TMEM222: variants seen among roughly 807,000 people sequenced by gnomAD.
TMEM222 encodes the protein chromosome 1 open reading frame 160.
A neutral mutation model predicts 25.1 loss-of-function variants in TMEM222; 18 were observed. That is an observed-to-expected ratio of 0.72 (90% CI 0.50 to 1.06). The LOEUF (loss-of-function observed/expected upper bound fraction) is 1.06. Ranked by LOEUF, TMEM222 falls within the 50% of genes least tolerant of loss-of-function variation. The pLI is 0.00. For missense variants in TMEM222, 296 were observed against 293.7 expected (o/e 1.01, Z -0.06); for synonymous variants, 131 against 117.9 (o/e 1.11, Z -0.72).
Position 27,322,383 on chromosome 1 carries a change from G to C in TMEM222, c.186G>C (p.Pro62=), listed in dbSNP as rs975839704. The C allele has an allele frequency of 1.0e-5, 15 of 1,446,562 alleles. No homozygotes were observed. Among genetic ancestry groups the C allele is most frequent in the Non-Finnish European group, 1.4e-5 (15 of 1,087,238 alleles). The allele number at this position is 1,446,562 out of a possible 1,614,324, so 89.6% of individuals were successfully genotyped here. Residue 62 remains proline (P), a synonymous_variant, in exon 1 of 6, where the codon CCG becomes CCC. Coordinates refer to ENST00000374076, the MANE Select transcript of TMEM222 (RefSeq NM_032125.3). ...FPYCVVWTPI[P]VLTWFFPIIG... is the part of the protein sequence containing the mutation. ...ACTGCGTGGTGTGGACGCCCATCCCGGTGCTCACGTGAGTCTCTTCCGGCA... is the reference window on the plus strand; with the variant it reads ...ACTGCGTGGTGTGGACGCCCATCCCCGTGCTCACGTGAGTCTCTTCCGGCA...
At chr1:27,325,061 G>A (rs762745672) in intron 1 of TMEM222, among the ~76,000 whole-genome samples, 1 of 152,152 alleles carries the variant, frequency 6.6e-6, no homozygotes, top group African/African-American at 2.4e-5. Flanking sequence ...ATTAGCCATC[G>A]TAGTATTACT....
At chr1:27,333,718 C>CA in intron 3 of TMEM222, 1 of 561,478 alleles carries the variant, frequency 1.8e-6, no homozygotes, top group African/African-American at 1.9e-5. Context: ...CTTGGGGACA[C>CA]AGACTTTCAG....
intron 5 of TMEM222, 90 bp from the exon 6 acceptor site, chr1:27,335,289 C>T (rs1443667927): frequency 3.0e-6 from 4 of 1,316,280 alleles, no homozygotes; most frequent in Non-Finnish European, 4.4e-6. Context: ...GATGGCAGCC[C>T]TATTGGGGTC....
At chr1:27,330,210 A>G (rs2014446941) in intron 1 of TMEM222, among the ~76,000 whole-genome samples, 1 of 151,436 alleles carries the variant, frequency 6.6e-6, no homozygotes, top group South Asian at 2.1e-4. Context: ...CATCCTGGCC[A>G]ACATGGTGAA....
chr1:27,322,750 C>T (rs1403583732), intron 1 of TMEM222, among the ~76,000 whole-genome samples: 1 of 152,216 alleles, frequency 6.6e-6, no homozygotes, highest in African/African-American at 2.4e-5. Context: ...CAAATGCTTA[C>T]TGGTCGCTTA....
intron 1 of TMEM222, among the ~76,000 whole-genome samples, chr1:27,325,985 G>C (rs989227913): frequency 6.6e-6 from 1 of 152,164 alleles, no homozygotes; most frequent in African/African-American, 2.4e-5. Flanking sequence ...TTTTGACCTT[G>C]TATTCAAGTT....
chr1:27,331,767 G>A (rs2014483959), intron 2 of TMEM222, among the ~76,000 whole-genome samples: 1 of 152,258 alleles, frequency 6.6e-6, no homozygotes. Flanking sequence ...GAGAAAATGA[G>A]GCCCAGAGAG....
chr1:27,322,375 C>A lies in TMEM222; in HGVS notation c.178C>A (p.Pro60Thr). Residue 60 changes from proline to threonine, a missense_variant, in exon 1 of 6, where the codon CCC becomes ACC. Transcript: ENST00000374076. ...CTTCCCCTACTGCGTGGTGTGGACG[C>A]CCATCCCGGTGCTCACGTGAGTCTC... is the stretch of plus-strand genomic sequence containing the variant. ...SRFPYCVVWT[P>T]IPVLTWFFPI... The A allele has an allele frequency of 6.8e-7, 1 of 1,461,364 alleles. No homozygotes were observed. Among genetic ancestry groups the A allele is most frequent in the Non-Finnish European group, 9.1e-7 (1 of 1,094,682 alleles). The allele number at this position is 1,461,364 out of a possible 1,614,324, so 90.5% of individuals were successfully genotyped here.
At position 27,322,209 on chromosome 1, in the gene TMEM222, G is replaced by T; in HGVS notation, c.12G>T (p.Ala4=). MAE[A]EGSSLLLLPP... ...GGGGCGCGCGCCGCATGGCGGAAGC[G>T]GAAGGGAGTTCTCTGCTCTTGTTGC... Residue 4 remains alanine, a synonymous_variant, in exon 1 of 6, where the codon GCG becomes GCT. Coordinates refer to ENST00000374076, the MANE Select transcript of TMEM222 (RefSeq NM_032125.3). 1 of 1,407,844 alleles carries T rather than the reference G, an allele frequency of 7.1e-7. No homozygotes were observed. The highest frequency in any genetic ancestry group is 1.5e-5 in the African/African-American group (1 of 67,680). The allele number at this position is 1,407,844 out of a possible 1,614,324, so 87.2% of individuals were successfully genotyped here.
chr1:27,325,287 A>G, intron 1 of TMEM222: 1 of 587,772 alleles, frequency 1.7e-6, no homozygotes, highest in South Asian at 1.7e-5. Flanking sequence ...GCCCCTGCGC[A>G]AGGATGACAT....
chr1:27,331,779 G>A (rs1043238653), intron 2 of TMEM222, among the ~76,000 whole-genome samples: 1 of 152,268 alleles, frequency 6.6e-6, no homozygotes. Flanking sequence ...CCCAGAGAGG[G>A]CAAGAGAATT....
rs758679552 is a variant in TMEM222, at chr1:27,330,756, C to G, written c.231C>G (p.Cys77Trp). 6.2e-7 allele frequency: 1 copy of G among 1,614,242 alleles called. No individual in the cohort carries two copies. The highest frequency in any genetic ancestry group is 1.1e-5 in the South Asian group (1 of 91,086). ...CCATCATCGGCCACATGGGCATCTG[C>G]ACATCCACAGGAGTCATTCGGGACT... Reference protein sequence around the residue: ...FFPIIGHMGICTSTGVIRDFA... With the variant: ...FFPIIGHMGIWTSTGVIRDFA... Residue 77 changes from cysteine (C) to tryptophan (W), a missense_variant, in exon 2 of 6, where the codon TGC becomes TGG. By Grantham distance (215) the Cys-to-Trp change is radical. Transcript: ENST00000374076.
intron 1 of TMEM222, 102 bp downstream of exon 1, chr1:27,322,493 TC>T: frequency 8.5e-7 from 1 of 1,182,082 alleles, no homozygotes; most frequent in Non-Finnish European, 1.1e-6. Context: ...AGCCTTTTCC[TC>T]GGGTCTGGCC....
At chr1:27,325,255 C>T (rs561513603) in intron 1 of TMEM222, 73 of 475,068 alleles carry the variant, frequency 1.5e-4, no homozygotes, top group Middle Eastern at 6.4e-4. Flanking sequence ...AAAATTGGAA[C>T]GATACAGAGA....
chr1:27,331,937 C>A (rs2014487962), intron 2 of TMEM222, 133 bp from the exon 3 acceptor site: 1 of 940,998 alleles, frequency 1.1e-6, no homozygotes, highest in African/African-American at 1.6e-5. Flanking sequence ...AGGGCAGGGC[C>A]CAGGCCCCAC....
intron 1 of TMEM222, among the ~76,000 whole-genome samples, chr1:27,327,611 A>ACTT (rs1319985856): frequency 2.0e-5 from 3 of 152,048 alleles, no homozygotes; most frequent in Non-Finnish European, 4.4e-5. Context: ...CTGGTCTCGA[A>ACTT]CTCCTGACCT....
intron 1 of TMEM222, among the ~76,000 whole-genome samples, chr1:27,326,265 C>T (rs1017895979): frequency 2.0e-5 from 3 of 152,278 alleles, no homozygotes; most frequent in African/African-American, 7.2e-5. Flanking sequence ...AAAGGCCAAG[C>T]CATAGGACCC....
At chr1:27,332,732 C>A in intron 3 of TMEM222, 1 of 576,890 alleles carries the variant, frequency 1.7e-6, no homozygotes, top group Admixed American at 2.9e-5. Flanking sequence ...GTTGGTGTCC[C>A]ACACAGCTGA....
chr1:27,327,371 TTTG>T (rs1180044342), intron 1 of TMEM222, among the ~76,000 whole-genome samples: 1 of 152,078 alleles, frequency 6.6e-6, no homozygotes, highest in Non-Finnish European at 1.5e-5. Context: ...TTGGCGTTTG[TTTG>T]TTGTTTTTAA....
Sources: gnomAD v4.1 joint callset for allele counts (sites outside exome capture counted in the v4.1 genomes callset) on GRCh38, gnomAD v4.1.1 for gene constraint, MANE v1.5 for transcripts, NCBI Gene and HGNC (gene_info 2026-07-23, HGNC 2026-07-21) for gene names.